Variants in UNC79 observed in about 807,000 individuals in gnomAD.
The protein encoded by UNC79 is unc-79 subunit of NALCN channel complex.
UNC79 carries 37 observed loss-of-function variants against 283.1 expected under a neutral mutation model. That is an observed-to-expected ratio of 0.13 (90% CI 0.10 to 0.17). UNC79 has a LOEUF of 0.17. UNC79 is among the 10% of genes least tolerant of loss of function. The probability of loss-of-function intolerance (pLI) is 1.00; values close to 1 mark genes in which losing one functional copy is unlikely to be tolerated. For missense variants in UNC79, 2,272 were observed against 3,211.1 expected (o/e 0.71, Z 7.07); for synonymous variants, 1,107 against 1,200.2 (o/e 0.92, Z 1.61).
rs1957668 is a variant in UNC79, at chr14:93,551,007, C to G, written c.1755+8311C>G. Among the ~76,000 whole-genome samples, 5 of 152,012 alleles carry G rather than the reference C, an allele frequency of 3.3e-5. No individual in the cohort carries two copies. In the South Asian group the frequency reaches 8.3e-4, roughly 25 times the overall value. ...CCCCGAGCTGGTTCCCCAAAAAGAG[C>G]TGGTAGGATTTATTTTTTATTTTAT... On this transcript the variant is annotated intron_variant, in intron 14 of 48. Coordinates refer to ENST00000555664, the Ensembl canonical transcript of UNC79.
chr14:93,480,265 T>C (rs1251879834), intron 4 of UNC79, among the ~76,000 whole-genome samples: 1 of 152,246 alleles, frequency 6.6e-6, no homozygotes, highest in Non-Finnish European at 1.5e-5. Flanking sequence ...TGGCATTTAT[T>C]TGAAGGTATG....
chr14:93,626,137 C>T (rs753075751), intron 30 of UNC79, among the ~76,000 whole-genome samples: 2 of 152,328 alleles, frequency 1.3e-5, no homozygotes, highest in South Asian at 4.1e-4. Flanking sequence ...ACCTGACAAT[C>T]GTAACATATT....
intron 1 of UNC79, among the ~76,000 whole-genome samples, chr14:93,339,369 G>A (rs921654982): frequency 4.6e-5 from 7 of 151,668 alleles, no homozygotes; most frequent in East Asian, 1.9e-4. Flanking sequence ...GCGTGATCTC[G>A]GCTCACTGCA....
intron 14 of UNC79, among the ~76,000 whole-genome samples, chr14:93,554,270 C>T (rs1422831278): frequency 6.6e-6 from 1 of 151,770 alleles, no homozygotes; most frequent in Non-Finnish European, 1.5e-5. Flanking sequence ...GTCACTTGAA[C>T]CCAGGAGGCG....
At chr14:93,625,659 A>G (rs549826664) in intron 30 of UNC79, among the ~76,000 whole-genome samples, 39 of 151,188 alleles carry the variant, frequency 2.6e-4, no homozygotes, top group African/African-American at 9.6e-4. Context: ...TATTGATCCA[A>G]GTATTTTTTT....
intron 1 of UNC79, among the ~76,000 whole-genome samples, chr14:93,372,090 A>C (rs2054463526): frequency 6.6e-6 from 1 of 152,234 alleles, no homozygotes; most frequent in African/African-American, 2.4e-5. Context: ...AAAATAATAT[A>C]GGACAGAAAC....
At chr14:93,434,237 A>G (rs1407622479) in intron 1 of UNC79, among the ~76,000 whole-genome samples, 3 of 151,928 alleles carry the variant, frequency 2.0e-5, no homozygotes, top group Non-Finnish European at 4.4e-5. Flanking sequence ...AAAAGAAAAG[A>G]AAAAAAAGAA....
chr14:93,557,369 AC>A (rs35818254), intron 14 of UNC79, among the ~76,000 whole-genome samples: 17,863 of 152,190 alleles, frequency 0.12, 1,370 homozygotes, highest in East Asian at 0.27. Context: ...GTAGTGACCA[AC>A]AAGGAATATG....
intron 37 of UNC79, 87 bp from the exon 41 acceptor site, chr14:93,655,147 G>C: frequency 6.8e-7 from 1 of 1,469,732 alleles, no homozygotes; most frequent in East Asian, 2.3e-5. Context: ...GCCTGAAGAT[G>C]TGACTTTTAA....
chr14:93,512,585 T>G (rs2059878137), intron 7 of UNC79, among the ~76,000 whole-genome samples: 1 of 152,162 alleles, frequency 6.6e-6, no homozygotes, highest in African/African-American at 2.4e-5. Context: ...ACCTGTGCAT[T>G]AGTTTGGATT....
At chr14:93,697,448 A>G (rs1167299683) in intron 47 of UNC79, among the ~76,000 whole-genome samples, 2 of 152,052 alleles carry the variant, frequency 1.3e-5, no homozygotes, top group African/African-American at 2.4e-5. Flanking sequence ...ATCTCTGTCT[A>G]TTTTTATAAC....
chr14:93,465,704 A>T (rs2057148773), intron 1 of UNC79, among the ~76,000 whole-genome samples: 1 of 152,118 alleles, frequency 6.6e-6, no homozygotes, highest in Non-Finnish European at 1.5e-5. Flanking sequence ...GAGTTGAGGG[A>T]TTTGTGAGTT....
intron 30 of UNC79, among the ~76,000 whole-genome samples, chr14:93,627,814 T>C (rs2067684909): frequency 6.6e-6 from 1 of 152,250 alleles, no homozygotes; most frequent in South Asian, 2.1e-4. Flanking sequence ...AAATATTATC[T>C]GTTGTTTATC....
At chr14:93,433,329 T>A (rs1259712584) in intron 1 of UNC79, among the ~76,000 whole-genome samples, 2 of 152,238 alleles carry the variant, frequency 1.3e-5, no homozygotes, top group Non-Finnish European at 2.9e-5. Context: ...TTAAGGAATC[T>A]CTTTTCTTTT....
chr14:93,685,137 G>GT (rs1220971059), intron 42 of UNC79, among the ~76,000 whole-genome samples: 2 of 152,190 alleles, frequency 1.3e-5, no homozygotes, highest in Admixed American at 1.3e-4. Flanking sequence ...TGACTTGGTG[G>GT]TAGTAAATTC....
intron 4 of UNC79, 91 bp from the exon 5 acceptor site, chr14:93,487,572 T>TA (rs2058506312): frequency 9.4e-6 from 10 of 1,062,774 alleles, no homozygotes; most frequent in African/African-American, 3.2e-5. Flanking sequence ...TTTTTTTTTT[T>TA]AAAGTTCCTT....
intron 1 of UNC79, among the ~76,000 whole-genome samples, chr14:93,361,230 A>G (rs2054217066): frequency 7.1e-6 from 1 of 140,206 alleles, no homozygotes; most frequent in Non-Finnish European, 1.5e-5. Context: ...AAAAAAAAAA[A>G]AAAAAAGAAA....
intron 38 of UNC79, among the ~76,000 whole-genome samples, chr14:93,656,757 G>C (rs1033403529): frequency 3.3e-5 from 5 of 152,214 alleles, no homozygotes; most frequent in Non-Finnish European, 5.9e-5. Flanking sequence ...AAGATTGCTT[G>C]AGCCTGGGAA....
intron 1 of UNC79, among the ~76,000 whole-genome samples, chr14:93,394,308 C>T (rs1372157532): frequency 1.3e-5 from 2 of 151,394 alleles, no homozygotes; most frequent in East Asian, 1.9e-4. Flanking sequence ...TGATTTTATC[C>T]TTGCATCAAC....
Sources: gnomAD v4.1 joint callset for allele counts (sites outside exome capture counted in the v4.1 genomes callset) on GRCh38, gnomAD v4.1.1 for gene constraint, MANE v1.5 for transcripts, NCBI Gene and HGNC (gene_info 2026-07-23, HGNC 2026-07-21) for gene names.